CAMK2G: variants seen among roughly 807,000 people sequenced by gnomAD.
CAMK2G encodes calcium/calmodulin dependent protein kinase II gamma.
CAMK2G carries 23 observed loss-of-function variants against 88.7 expected under a neutral mutation model. The observed-to-expected ratio is 0.26, with a 90% CI of 0.19 to 0.37. The LOEUF (loss-of-function observed/expected upper bound fraction) is 0.37, where lower values mean the gene tolerates loss of function less well. Among genes scored for constraint, CAMK2G ranks in the 10% least tolerant of loss-of-function variants. CAMK2G has a pLI of 1.00. For synonymous variants in CAMK2G, 263 were observed against 294.8 expected (o/e 0.89, Z 1.11); for missense variants, 476 against 780.8 (o/e 0.61, Z 4.65).
chr10:73,840,491 G>A (rs776159617), intron 12 of CAMK2G, among the ~76,000 whole-genome samples: 4 of 152,190 alleles, frequency 2.6e-5, no homozygotes, highest in Non-Finnish European at 5.9e-5. Flanking sequence ...AGTCAGGGCA[G>A]AAGAGGCCAT....
At chr10:73,870,897 T>G (rs1226424957) in intron 2 of CAMK2G, among the ~76,000 whole-genome samples, 1 of 152,172 alleles carries the variant, frequency 6.6e-6, no homozygotes, top group Non-Finnish European at 1.5e-5. Flanking sequence ...ACATCTCCCA[T>G]GCCCACACCT....
intron 10 of CAMK2G, among the ~76,000 whole-genome samples, chr10:73,844,049 G>A (rs1260374484): frequency 6.6e-6 from 1 of 151,890 alleles, no homozygotes; most frequent in African/African-American, 2.4e-5. Flanking sequence ...CTCTGGACTA[G>A]ATTCTTCTCT....
At chr10:73,867,862 C>T (rs1023100721) in intron 2 of CAMK2G, among the ~76,000 whole-genome samples, 32 of 152,132 alleles carry the variant, frequency 2.1e-4, no homozygotes, top group African/African-American at 7.5e-4. Context: ...GGCCTGAGGA[C>T]GCTGGGTCTG....
At chr10:73,858,886 T>C (rs550965117) in intron 3 of CAMK2G, among the ~76,000 whole-genome samples, 8 of 152,376 alleles carry the variant, frequency 5.3e-5, no homozygotes, top group African/African-American at 9.6e-5. Context: ...CATTATACCC[T>C]GACCCGTCCG....
rs150961617 is a variant in CAMK2G at position 73,843,317 on chromosome 10, C to T, written c.820-776G>A. Among the ~76,000 whole-genome samples, 533 of 152,258 alleles carry T rather than the reference C, an allele frequency of 3.5e-3. 1 individual carries two copies. Among genetic ancestry groups the T allele is most frequent in the African/African-American group, 0.01 (420 of 41,536 alleles). ...CTGACCTCAAGTGATCTGCTCACTT[C>T]GGCCTCCCAGAGTCCTGGGATAACA... is the stretch of plus-strand genomic sequence containing the variant. On this transcript the variant is annotated intron_variant, in intron 10 of 22. Coordinates refer to ENST00000423381, the MANE Select transcript of CAMK2G (RefSeq NM_001367534.1).
In CAMK2G at chr10:73,832,658, A is replaced by G. The variant is rs181228661; in HGVS notation, c.1054-4537T>C. Among the ~76,000 whole-genome samples, 231 of 152,302 alleles carry G rather than the reference A, an allele frequency of 1.5e-3. 1 individual carries two copies. Among genetic ancestry groups the G allele is most frequent in the African/African-American group, 5.3e-3 (219 of 41,562 alleles). ...TTCACTTAATATAAAACATTTCTGCACTTTATTTTTCACTTAAAATATCCC... is the reference window on the plus strand; with the variant it reads ...TTCACTTAATATAAAACATTTCTGCGCTTTATTTTTCACTTAAAATATCCC... On this transcript the variant is annotated intron_variant, in intron 14 of 22. Transcript: ENST00000423381.
At chr10:73,826,997 G>A (rs561734722) in intron 15 of CAMK2G, among the ~76,000 whole-genome samples, 4 of 152,322 alleles carry the variant, frequency 2.6e-5, no homozygotes, top group Admixed American at 6.5e-5. Flanking sequence ...GAGCTCTGCT[G>A]TCTCTCATTC....
intron 10 of CAMK2G, among the ~76,000 whole-genome samples, chr10:73,844,798 C>T (rs189929282): frequency 6.6e-6 from 1 of 152,288 alleles, no homozygotes; most frequent in African/African-American, 2.4e-5. Flanking sequence ...ACTCCCTCTT[C>T]GTCTCACTGA....
chr10:73,873,465 C>A, intron 1 of CAMK2G: 1 of 1,062,938 alleles, frequency 9.4e-7, no homozygotes, highest in South Asian at 3.4e-5. Flanking sequence ...CCCTGCCCTT[C>A]TCTCAGCAGG....
At chr10:73,840,923 G>A (rs941534584) in intron 12 of CAMK2G, among the ~76,000 whole-genome samples, 3 of 152,238 alleles carry the variant, frequency 2.0e-5, no homozygotes, top group Non-Finnish European at 4.4e-5. Flanking sequence ...TCCACCGGAG[G>A]CAGCCAGCCA....
In CAMK2G at chr10:73,824,093, G is replaced by C; in HGVS notation, c.1156-9C>G. 1 of 1,610,354 alleles carries C rather than the reference G, an allele frequency of 6.2e-7. No individual in the cohort carries two copies. Among genetic ancestry groups the C allele is most frequent in the African/African-American group, 1.3e-5 (1 of 74,952 alleles). On this transcript the variant is annotated splice_polypyrimidine_tract_variant and intron_variant, in intron 16 of 22. Transcript: ENST00000423381. Reference sequence around the variant, plus strand: ...ACAGTGGTTTGTGGCTCCTGTGAGAGAAGATGAAGATTACCCTTCCGACTT... The same window carrying C: ...ACAGTGGTTTGTGGCTCCTGTGAGACAAGATGAAGATTACCCTTCCGACTT...
chr10:73,854,149 T>C (rs1269954847), intron 3 of CAMK2G, among the ~76,000 whole-genome samples: 2 of 152,194 alleles, frequency 1.3e-5, no homozygotes, highest in African/African-American at 4.8e-5. Flanking sequence ...AGCCCCCATA[T>C]TCAGGCAACA....
chr10:73,820,628 C>G (rs2133342125), intron 18 of CAMK2G, among the ~76,000 whole-genome samples: 1 of 140,222 alleles, frequency 7.1e-6, no homozygotes, highest in African/African-American at 2.6e-5. Flanking sequence ...TCCCGAGTAG[C>G]TGGGATTACA....
Position 73,852,277 on chromosome 10 carries a change from C to T in CAMK2G, c.318G>A (p.Glu106=), listed in dbSNP as rs2094686052. 6.2e-7 allele frequency: 1 copy of T among 1,614,046 alleles called. No homozygotes were observed. The highest frequency in any genetic ancestry group is 8.5e-7 in the Non-Finnish European group (1 of 1,179,902). The change falls in exon 5 of 23, where the codon GAG becomes GAA. Residue 106 remains glutamate (E), a synonymous_variant. Coordinates refer to ENST00000423381, the MANE Select transcript of CAMK2G (RefSeq NM_001367534.1). ...GELFEDIVAR[E]YYSEADASHC... ...ACCTGGCATCTGCTTCACTGTAGTA[C>T]TCTCTGGCCACAATGTCTTCAAACA...
At chr10:73,861,620 T>C (rs975710219) in intron 2 of CAMK2G, among the ~76,000 whole-genome samples, 2 of 152,152 alleles carry the variant, frequency 1.3e-5, no homozygotes, top group African/African-American at 4.8e-5. Context: ...CCTCCCAAAA[T>C]GCTGGGATTA....
chr10:73,874,298 G>A (rs1192010611), intron 1 of CAMK2G, 99 bp downstream of exon 1: 23 of 745,630 alleles, frequency 3.1e-5, no homozygotes, highest in East Asian at 1.6e-4. Flanking sequence ...CGGCCGAGGG[G>A]GAGCCGCAGC....
intron 3 of CAMK2G, among the ~76,000 whole-genome samples, chr10:73,857,579 G>T (rs556751097): frequency 6.6e-6 from 1 of 152,174 alleles, no homozygotes; most frequent in Non-Finnish European, 1.5e-5. Context: ...TGATCCCTGC[G>T]TGAGTCATAA....
intron 2 of CAMK2G, among the ~76,000 whole-genome samples, chr10:73,869,422 C>T (rs1423080713): frequency 6.6e-6 from 1 of 152,210 alleles, no homozygotes; most frequent in Admixed American, 6.5e-5. Flanking sequence ...GGTCTTTATC[C>T]TCATCTGTCC....
rs942657013 is a variant in CAMK2G, at chr10:73,839,303, G to A, written c.1009+236C>T. ...CAAGGCTCCCGCTGCCCAGCTCCAT[G>A]CCCCCAGGCTACTGCCCCCTGAAAG... On this transcript the variant is annotated intron_variant, in intron 13 of 22. Coordinates refer to ENST00000423381, the MANE Select transcript of CAMK2G (RefSeq NM_001367534.1). The surrounding 1 kb of genome is among the most constrained non-coding windows in gnomAD (Gnocchi z 4.2). 6.6e-6 allele frequency among the ~76,000 whole-genome samples: 1 copy of A among 152,216 alleles called. No homozygotes were observed. Among genetic ancestry groups the A allele is most frequent in the Non-Finnish European group, 1.5e-5 (1 of 68,018 alleles).
Sources: gnomAD v4.1 joint callset for allele counts (sites outside exome capture counted in the v4.1 genomes callset) on GRCh38, gnomAD v4.1.1 for gene constraint, Gnocchi (gnomAD v3.1) non-coding constraint, MANE v1.5 for transcripts, NCBI Gene and HGNC (gene_info 2026-07-23, HGNC 2026-07-21) for gene names.